CCDC38: variants seen among roughly 807,000 people sequenced by gnomAD.
CCDC38 encodes the protein coiled-coil domain containing 38.
In CCDC38, 69 loss-of-function variants were observed where a neutral mutation model predicts 72.8. The observed-to-expected ratio is 0.95, with a 90% confidence interval of 0.78 to 1.16. The LOEUF (loss-of-function observed/expected upper bound fraction) is 1.16. Among genes scored for constraint, CCDC38 ranks in the 50% most tolerant of loss-of-function variants. The pLI is 0.00. For missense variants in CCDC38, 626 were observed against 638.9 expected (o/e 0.98, Z 0.22); for synonymous variants, 201 against 213.2 (o/e 0.94, Z 0.50).
intron 4 of CCDC38, among the ~76,000 whole-genome samples, chr12:95,915,000 C>G (rs1440948060): frequency 1.3e-5 from 2 of 152,170 alleles, no homozygotes; most frequent in Admixed American, 1.3e-4. Flanking sequence ...CTTACTGTAG[C>G]TTTCATTTGA....
intron 1 of CCDC38, among the ~76,000 whole-genome samples, chr12:95,939,794 T>C (rs1423025033): frequency 5.9e-5 from 9 of 152,346 alleles, no homozygotes; most frequent in Admixed American, 5.2e-4. Flanking sequence ...TGTGTTCCTT[T>C]AATAGCTGTA....
rs201309124 is a variant in CCDC38, at chr12:95,924,010, C to T, written c.38-5034G>A. Among the ~76,000 whole-genome samples the T allele has an allele frequency of 3.3e-4, 40 of 122,290 alleles. No individual in the cohort carries two copies. In the East Asian group the frequency reaches 9.4e-3, roughly 29 times the overall value. The allele number at this position is 122,290 out of a possible 152,430, so 80.2% of individuals were successfully genotyped here. A position where few individuals can be genotyped will look rare whatever the true frequency, so the allele number is the denominator to read the frequency against. On this transcript the variant is annotated intron_variant, in intron 2 of 15. Transcript: ENST00000344280. Reference sequence around the variant, plus strand: ...TAGTGCTGCAATAAACATACGTGTGCATGTGTCTTTATAGCAGCATGATTT... The same window carrying T: ...TAGTGCTGCAATAAACATACGTGTGTATGTGTCTTTATAGCAGCATGATTT...
At chr12:95,900,263 C>T (rs117806878) in intron 5 of CCDC38, among the ~76,000 whole-genome samples, 3 of 152,302 alleles carry the variant, frequency 2.0e-5, no homozygotes, top group Non-Finnish European at 2.9e-5. Flanking sequence ...ATACACAATA[C>T]TGAATGCCAT....
At position 95,912,880 on chromosome 12, in the gene CCDC38, C is replaced by A. The variant is rs570483111; in HGVS notation, c.304+4249G>T. Reference sequence around the variant, plus strand: ...TTTGAGACCAACCTGGACAACATGGCGAAGGCTTGTCTCTACAAAAATATA... The same window carrying A: ...TTTGAGACCAACCTGGACAACATGGAGAAGGCTTGTCTCTACAAAAATATA... On this transcript the variant is annotated intron_variant, in intron 4 of 15. Transcript: ENST00000344280. Among the ~76,000 whole-genome samples the A allele has an allele frequency of 2.6e-5, 4 of 152,004 alleles. No individual in the cohort carries two copies. The South Asian group carries it at 8.3e-4, about 32-fold the overall frequency.
intron 1 of CCDC38, among the ~76,000 whole-genome samples, chr12:95,938,245 G>A (rs1592813574): frequency 2.0e-5 from 3 of 152,128 alleles, no homozygotes; most frequent in East Asian, 1.9e-4. Flanking sequence ...AAGAAAGATC[G>A]GTGAAAAATT....
At chr12:95,922,062 G>T (rs2080215246) in intron 2 of CCDC38, among the ~76,000 whole-genome samples, 1 of 152,228 alleles carries the variant, frequency 6.6e-6, no homozygotes, top group Admixed American at 6.5e-5. Context: ...GGAGCTTAAA[G>T]TCTACCTGAG....
chr12:95,903,377 AT>A (rs200374622), intron 5 of CCDC38: 51 of 680,728 alleles, frequency 7.5e-5, no homozygotes, highest in East Asian at 1.4e-4. Context: ...AATGTCTTTC[AT>A]TTTTTTTTCT....
chr12:95,909,575 C>T (rs2080068252), intron 4 of CCDC38, among the ~76,000 whole-genome samples: 1 of 152,088 alleles, frequency 6.6e-6, no homozygotes, highest in Non-Finnish European at 1.5e-5. Context: ...ATCCTGATAT[C>T]AAAATCTGGC....
At position 95,942,447 on chromosome 12, in the gene CCDC38, C is replaced by G. The variant is rs1217754597; in HGVS notation, c.-31G>C. ...CTATTTTACCTCAGCGAGTTTGGAT[C>G]CAGGAGCCTTTCCAACCTATCGTTC... is the stretch of plus-strand genomic sequence containing the variant. On this transcript the variant is annotated 5_prime_UTR_variant, in exon 1 of 16. Coordinates refer to ENST00000344280, the MANE Select transcript of CCDC38 (RefSeq NM_182496.3). 1.3e-5 allele frequency: 2 copies of G among 152,238 alleles called. No individual in the cohort carries two copies. Among genetic ancestry groups the G allele is most frequent in the Non-Finnish European group, 2.9e-5 (2 of 68,080 alleles). The allele number at this position is 152,238 out of a possible 1,614,324, so 9.4% of individuals were successfully genotyped here.
chr12:95,917,866 CAAA>C (rs34424423), intron 3 of CCDC38, among the ~76,000 whole-genome samples: 14 of 99,124 alleles, frequency 1.4e-4, no homozygotes, highest in Non-Finnish European at 1.9e-4. Flanking sequence ...GCAAGACTGT[CAAA>C]AAAAAAAAAA....
chr12:95,899,014 G>A (rs2079923381), intron 5 of CCDC38, among the ~76,000 whole-genome samples: 1 of 152,176 alleles, frequency 6.6e-6, no homozygotes, highest in East Asian at 1.9e-4. Flanking sequence ...AGGTGCATCT[G>A]GTATTACCTA....
intron 4 of CCDC38, among the ~76,000 whole-genome samples, chr12:95,907,069 T>C (rs1402091219): frequency 5.9e-5 from 9 of 151,656 alleles, no homozygotes; most frequent in Non-Finnish European, 1.2e-4. Flanking sequence ...ACAAAGCACA[T>C]CTTGCACCGT....
intron 1 of CCDC38, among the ~76,000 whole-genome samples, chr12:95,937,699 G>A (rs1469768423): frequency 6.6e-6 from 1 of 152,136 alleles, no homozygotes; most frequent in African/African-American, 2.4e-5. Context: ...CAGAGCAGCA[G>A]ATGATTAAGA....
intron 14 of CCDC38, chr12:95,869,846 C>CA: frequency 3.2e-6 from 1 of 312,612 alleles, no homozygotes; most frequent in South Asian, 3.0e-5. Context: ...TCCTCAGAGA[C>CA]AGAGTCTCAG....
At chr12:95,885,975 CT>C (rs751754858) in intron 10 of CCDC38, among the ~76,000 whole-genome samples, 12 of 152,082 alleles carry the variant, frequency 7.9e-5, no homozygotes, top group Non-Finnish European at 1.5e-4. Flanking sequence ...ATATTTACAC[CT>C]TTTAATGAGT....
chr12:95,927,919 G>C (rs1349918815), intron 2 of CCDC38, among the ~76,000 whole-genome samples: 1 of 150,186 alleles, frequency 6.7e-6, no homozygotes, highest in African/African-American at 2.5e-5. Flanking sequence ...CTGTTAGTCT[G>C]ATGGGCTTCC....
chr12:95,912,306 A>G (rs570471600), intron 4 of CCDC38, among the ~76,000 whole-genome samples: 1 of 152,322 alleles, frequency 6.6e-6, no homozygotes, highest in Admixed American at 6.5e-5. Flanking sequence ...AGAAGCCCAA[A>G]GCTCAGCATC....
intron 2 of CCDC38, among the ~76,000 whole-genome samples, chr12:95,921,988 G>C (rs1384592253): frequency 6.6e-6 from 1 of 152,162 alleles, no homozygotes; most frequent in Admixed American, 6.5e-5. Flanking sequence ...GAGTCCCCCA[G>C]GTGGCTGTAA....
chr12:95,915,975 T>C (rs887358774), intron 4 of CCDC38, among the ~76,000 whole-genome samples: 1 of 152,226 alleles, frequency 6.6e-6, no homozygotes, highest in Non-Finnish European at 1.5e-5. Flanking sequence ...TTCTGAGTTA[T>C]TTAAGAACTG....
Sources: allele counts gnomAD v4.1 joint callset (sites outside exome capture counted in the v4.1 genomes callset), GRCh38; gene constraint gnomAD v4.1.1; transcripts MANE v1.5; gene names NCBI Gene and HGNC (gene_info 2026-07-23, HGNC 2026-07-21).